The following SDSL variants were observed in gnomAD, a reference collection of about 807,000 sequenced individuals.
The protein encoded by SDSL is serine dehydratase-like.
In SDSL, 26 loss-of-function variants were observed where a neutral mutation model predicts 27.6. That is an observed-to-expected ratio of 0.94 (90% CI 0.69 to 1.31). The LOEUF (loss-of-function observed/expected upper bound fraction) is 1.31. SDSL is among the 50% of genes most tolerant of loss of function. The pLI is 0.00. For missense variants in SDSL, 431 were observed against 423.5 expected, an observed-to-expected ratio of 1.02 and a Z score of -0.16; for synonymous variants, 196 against 180.6, an observed-to-expected ratio of 1.09 and a Z score of -0.69.
chr12:113,425,656 G>A (rs1957839111), intron 1 of SDSL: 3 of 450,474 alleles, frequency 6.7e-6, no homozygotes, highest in South Asian at 4.7e-5. Context: ...TCTTCTTTTC[G>A]TCCTTACCCA....
intron 5 of SDSL, among the ~76,000 whole-genome samples, chr12:113,434,837 A>G (rs1250702871): frequency 6.6e-6 from 1 of 152,172 alleles, no homozygotes. Flanking sequence ...GAATGAGGCC[A>G]GGCGCGGTGG....
intron 6 of SDSL, 77 bp downstream of exon 6, chr12:113,435,633 G>A (rs1957982139): frequency 8.9e-6 from 11 of 1,235,522 alleles, no homozygotes; most frequent in South Asian, 4.4e-5. Context: ...AGTCCCAGCC[G>A]GTGGAGACGG....
chr12:113,429,415 C>G (rs1308271781), intron 4 of SDSL, 116 bp downstream of exon 4: 1 of 1,169,366 alleles, frequency 8.6e-7, no homozygotes, highest in Non-Finnish European at 1.2e-6. Flanking sequence ...GGGACCCAGT[C>G]CTCTCTCAGG....
intron 1 of SDSL, among the ~76,000 whole-genome samples, chr12:113,423,386 T>G (rs1248874055): frequency 1.3e-5 from 2 of 152,094 alleles, no homozygotes; most frequent in Non-Finnish European, 2.9e-5. Context: ...CTTGGATAAG[T>G]TACTTAATCT....
At chr12:113,425,687 T>A (rs1447635058) in intron 1 of SDSL, 1 of 455,730 alleles carries the variant, frequency 2.2e-6, no homozygotes, top group Non-Finnish European at 4.4e-6. Flanking sequence ...CACACACAGC[T>A]CCTCGGCTTC....
At chr12:113,434,437 G>A (rs1222786182) in intron 5 of SDSL, among the ~76,000 whole-genome samples, 1 of 152,250 alleles carries the variant, frequency 6.6e-6, no homozygotes, top group Non-Finnish European at 1.5e-5. Flanking sequence ...TTCTATGTGT[G>A]TAAAATGGAA....
rs1279563707 is a variant in SDSL at position 113,428,233 on chromosome 12, CG to C, written c.174+80del. 2.1e-6 allele frequency: 3 copies of C among 1,434,402 alleles called. No individual in the cohort carries two copies. In the African/African-American group the frequency reaches 4.2e-5, roughly 20 times the overall value. 88.9% of individuals were successfully genotyped at this position (1,434,402 alleles called of 1,614,324 possible). A position where few individuals can be genotyped will look rare whatever the true frequency, so the allele number is the denominator to read the frequency against. On this transcript the variant is annotated intron_variant, in intron 2 of 7. Transcript: ENST00000403593. ...AAGAGTGAGGGGTGTGGGCTGGGGA[CG>C]GGTTCGGGCAGGAGGGGAAACATGA... is the stretch of plus-strand genomic sequence containing the variant.
At chr12:113,432,236 CTTTCTTTCTTT>C (rs1957933550) in intron 4 of SDSL, among the ~76,000 whole-genome samples, 1 of 119,186 alleles carries the variant, frequency 8.4e-6, no homozygotes, top group South Asian at 3.1e-4. Context: ...TTCTTTCTTT[CTTTCTTTCTTT>C]CTTTCTTTCT....
At chr12:113,424,831 G>T (rs953478081) in intron 1 of SDSL, among the ~76,000 whole-genome samples, 28 of 151,840 alleles carry the variant, frequency 1.8e-4, no homozygotes. Context: ...CACCTCCCAG[G>T]TTCAAGCAAT....
At chr12:113,430,913 A>C (rs1057291910) in intron 4 of SDSL, among the ~76,000 whole-genome samples, 4 of 152,224 alleles carry the variant, frequency 2.6e-5, no homozygotes, top group African/African-American at 9.6e-5. Context: ...AAAAATAGTA[A>C]CTATTAAGCC....
intron 7 of SDSL, 32 bp downstream of exon 7, chr12:113,436,907 G>A: frequency 6.6e-7 from 1 of 1,525,764 alleles, no homozygotes; most frequent in Non-Finnish European, 8.8e-7. Context: ...CCTGGGCTCA[G>A]AGACCCACGA....
At chr12:113,432,290 T>C (rs575210063) in intron 4 of SDSL, among the ~76,000 whole-genome samples, 30 of 104,146 alleles carry the variant, frequency 2.9e-4, no homozygotes, top group East Asian at 1.4e-3. Context: ...CTTTCTTTCT[T>C]TCTCTCTCTC....
intron 4 of SDSL, among the ~76,000 whole-genome samples, chr12:113,432,226 TTCTTTCTTTCTTTCTTTC>T (rs1565879015): frequency 1.4e-4 from 4 of 29,462 alleles, no homozygotes; most frequent in South Asian, 1.5e-3. Flanking sequence ...CTTTCTTTCT[TTCTTTCTTTCTTTCTTTC>T]TTTCTTTCTT....
At chr12:113,430,193 T>C (rs1263528175) in intron 4 of SDSL, among the ~76,000 whole-genome samples, 4 of 152,266 alleles carry the variant, frequency 2.6e-5, no homozygotes, top group African/African-American at 9.6e-5. Context: ...GTACCTGCTA[T>C]GTTAGACATT....
At chr12:113,432,252 C>T (rs1159789826) in intron 4 of SDSL, among the ~76,000 whole-genome samples, 2 of 140,576 alleles carry the variant, frequency 1.4e-5, no homozygotes, top group African/African-American at 5.6e-5. Context: ...TTCTTTCTTT[C>T]TTTCTTTCTT....
intron 1 of SDSL, among the ~76,000 whole-genome samples, chr12:113,423,968 GTGGT>G (rs1431794786): frequency 1.3e-5 from 2 of 152,126 alleles, no homozygotes; most frequent in African/African-American, 4.8e-5. Flanking sequence ...AGTTTGTTGT[GTGGT>G]TGGTTGGTTC....
intron 1 of SDSL, among the ~76,000 whole-genome samples, chr12:113,424,015 TA>T (rs924384708): frequency 2.0e-5 from 3 of 152,156 alleles, no homozygotes; most frequent in Non-Finnish European, 2.9e-5. Flanking sequence ...AATTTTTTAT[TA>T]TTTTTTTTGA....
rs778666475 is a variant in SDSL at position 113,435,319 on chromosome 12, C to A, written c.444-10C>A. 5 of 1,491,286 alleles carry A rather than the reference C, an allele frequency of 3.4e-6. No homozygotes were observed. The highest frequency in any genetic ancestry group is 2.2e-5 in the Admixed American group (1 of 44,584). 92.4% of individuals were successfully genotyped at this position (1,491,286 alleles called of 1,614,324 possible). A position where few individuals can be genotyped will look rare whatever the true frequency, so the allele number is the denominator to read the frequency against. On this transcript the variant is annotated splice_polypyrimidine_tract_variant and intron_variant, in intron 5 of 7. Coordinates refer to ENST00000403593, the MANE Select transcript of SDSL (RefSeq NM_001304993.2). Reference sequence around the variant, plus strand: ...TCACTCTGCTTCTCCCTCTCACCCCCCCTCCCCAGGAAAGGCCACGCCAGC... The same window carrying A: ...TCACTCTGCTTCTCCCTCTCACCCCACCTCCCCAGGAAAGGCCACGCCAGC...
chr12:113,427,947 T>G lies in SDSL; in HGVS notation c.-21-15T>G. 1 of 1,585,690 alleles carries G rather than the reference T, an allele frequency of 6.3e-7. No homozygotes were observed. Among genetic ancestry groups the G allele is most frequent in the East Asian group, 2.3e-5 (1 of 43,728 alleles). ...ATGGGGACTGCCTGGGTGGTGACTT[T>G]GTGTCCTCCTGCAGGCTGTCTACCT... On this transcript the variant is annotated splice_polypyrimidine_tract_variant and intron_variant, in intron 1 of 7. Transcript: ENST00000403593.
Sources: gnomAD v4.1 joint callset for allele counts (sites outside exome capture counted in the v4.1 genomes callset) on GRCh38, gnomAD v4.1.1 for gene constraint, MANE v1.5 for transcripts, NCBI Gene and HGNC (gene_info 2026-07-23, HGNC 2026-07-21) for gene names.